Variants in LCLAT1 observed in about 807,000 individuals in gnomAD.
The protein encoded by LCLAT1 is lysocardiolipin acyltransferase 1.
In LCLAT1, 11 loss-of-function variants were observed where a neutral mutation model predicts 30.7. The ratio of observed to expected loss-of-function variants is 0.36; its 90% confidence interval spans 0.23 to 0.59. The LOEUF (loss-of-function observed/expected upper bound fraction) is 0.59, where lower values mean the gene tolerates loss of function less well. LCLAT1 is among the 20% of genes least tolerant of loss of function. The pLI, the probability that LCLAT1 is intolerant of heterozygous loss-of-function variation, is 0.77. For synonymous variants in LCLAT1, 155 were observed against 151.3 expected, an observed-to-expected ratio of 1.02 and a Z score of -0.18; for missense variants, 402 against 458.6, an observed-to-expected ratio of 0.88 and a Z score of 1.13.
chr2:30,557,282 T>TTG (rs1664965828), intron 3 of LCLAT1, among the ~76,000 whole-genome samples: 1 of 104,490 alleles, frequency 9.6e-6, no homozygotes, highest in Non-Finnish European at 1.8e-5. Context: ...GAAGGTATGA[T>TTG]CGTGTGTGTG....
intron 1 of LCLAT1, among the ~76,000 whole-genome samples, chr2:30,522,240 A>G (rs1685511730): frequency 6.6e-6 from 1 of 152,288 alleles, no homozygotes; most frequent in Non-Finnish European, 1.5e-5. Flanking sequence ...TTGTAAGTGT[A>G]TATTTAGGAT....
chr2:30,514,447 C>G (rs1270581031), intron 1 of LCLAT1, among the ~76,000 whole-genome samples: 2 of 152,176 alleles, frequency 1.3e-5, no homozygotes, highest in African/African-American at 4.8e-5. Flanking sequence ...TTGCAGTGTT[C>G]ACAATTCAGT....
intron 1 of LCLAT1, among the ~76,000 whole-genome samples, chr2:30,495,490 A>C (rs528567506): frequency 3.3e-5 from 5 of 152,314 alleles, no homozygotes; most frequent in African/African-American, 1.2e-4. Flanking sequence ...TGCAATATAA[A>C]GGAAAAATAA....
In LCLAT1 at chr2:30,453,699, G is replaced by A. The variant is rs115316486; in HGVS notation, c.-5+6316G>A. On this transcript the variant is annotated intron_variant, in intron 1 of 5. Transcript: ENST00000379509. ...ACAAATCAGTGCCTTCACTACAGAG[G>A]TCATTGAGATTTCATCATCTGTAGG... Among the ~76,000 whole-genome samples, 1,055 of 152,276 alleles carry A rather than the reference G, an allele frequency of 6.9e-3. 11 individuals are homozygous for A. The highest frequency in any genetic ancestry group is 0.024 in the African/African-American group (1,001 of 41,548).
At chr2:30,496,008 G>A in intron 1 of LCLAT1, among the ~76,000 whole-genome samples, 1 of 152,158 alleles carries the variant, frequency 6.6e-6, no homozygotes, top group African/African-American at 2.4e-5. Context: ...GCCACAGGCT[G>A]TACAGGAAGC....
chr2:30,511,898 T>A (rs72793880), intron 1 of LCLAT1, among the ~76,000 whole-genome samples: 1,612 of 152,314 alleles, frequency 0.011, 22 homozygotes, highest in Non-Finnish European at 0.013. Context: ...CAAACTGCCA[T>A]TCATCTCCAT....
At chr2:30,540,509 A>G (rs1226140210) in intron 3 of LCLAT1, among the ~76,000 whole-genome samples, 1 of 152,212 alleles carries the variant, frequency 6.6e-6, no homozygotes, top group Non-Finnish European at 1.5e-5. Context: ...ATTTCCATCC[A>G]TAGGAATTAA....
intron 5 of LCLAT1, among the ~76,000 whole-genome samples, chr2:30,604,998 C>G (rs1667367724): frequency 6.6e-6 from 1 of 152,204 alleles, no homozygotes; most frequent in Non-Finnish European, 1.5e-5. Context: ...GACCTCTGTG[C>G]TCCCTTTTAA....
rs368248626 is a variant in LCLAT1 at position 30,630,179 on chromosome 2, T to A, written c.629-9938T>A. 2.3e-4 allele frequency among the ~76,000 whole-genome samples: 35 copies of A among 152,318 alleles called. No individual in the cohort carries two copies. In the East Asian group the frequency reaches 6.2e-3, roughly 27 times the overall value. On this transcript the variant is annotated intron_variant, in intron 5 of 5. Coordinates refer to ENST00000379509, the MANE Select transcript of LCLAT1 (RefSeq NM_001002257.3). ...CGTGATATTCTTTGGACATGAACAT[T>A]CCTGGTGTCCCCTCCTCTTCTTATG...
intron 3 of LCLAT1, among the ~76,000 whole-genome samples, chr2:30,561,554 G>T (rs140554680): frequency 2.9e-4 from 44 of 152,220 alleles, no homozygotes; most frequent in African/African-American, 9.9e-4. Flanking sequence ...AGGGTGATTT[G>T]CCCTAGAGAA....
chr2:30,627,568 T>C (rs953884185), intron 5 of LCLAT1, among the ~76,000 whole-genome samples: 3 of 152,222 alleles, frequency 2.0e-5, no homozygotes, highest in African/African-American at 7.2e-5. Context: ...AAGTCACATT[T>C]ATCAATAGCT....
chr2:30,623,096 AG>A (rs1668344808), intron 5 of LCLAT1, among the ~76,000 whole-genome samples: 1 of 124,182 alleles, frequency 8.1e-6, no homozygotes, highest in Non-Finnish European at 1.6e-5. Flanking sequence ...CTCTGTCGCC[AG>A]GGCTAGAGTG....
chr2:30,502,415 A>C (rs1425682968), intron 1 of LCLAT1, among the ~76,000 whole-genome samples: 1 of 152,144 alleles, frequency 6.6e-6, no homozygotes, highest in Admixed American at 6.5e-5. Flanking sequence ...TAAACTGTAC[A>C]GGTCAATTGT....
chr2:30,538,226 T>G (rs563452008), intron 3 of LCLAT1, among the ~76,000 whole-genome samples: 38 of 152,198 alleles, frequency 2.5e-4, no homozygotes, highest in African/African-American at 8.7e-4. Context: ...TAAGAAAGAT[T>G]AGAGCAGAAC....
chr2:30,637,800 A>G (rs1180745023), intron 5 of LCLAT1, among the ~76,000 whole-genome samples: 1 of 151,996 alleles, frequency 6.6e-6, no homozygotes, highest in African/African-American at 2.4e-5. Flanking sequence ...CTGGTCTCGA[A>G]CTCCTGACCT....
At chr2:30,620,267 A>G (rs889821761) in intron 5 of LCLAT1, among the ~76,000 whole-genome samples, 2 of 152,122 alleles carry the variant, frequency 1.3e-5, no homozygotes, top group African/African-American at 4.8e-5. Context: ...TGTGATCATC[A>G]TCTCTTGGAG....
At chr2:30,500,631 GA>G (rs1189215932) in intron 1 of LCLAT1, among the ~76,000 whole-genome samples, 3 of 152,138 alleles carry the variant, frequency 2.0e-5, no homozygotes, top group African/African-American at 7.2e-5. Flanking sequence ...CTGAACCCTT[GA>G]ATACATTTCA....
chr2:30,537,055 G>A (rs531447216), intron 3 of LCLAT1, among the ~76,000 whole-genome samples: 120 of 152,314 alleles, frequency 7.9e-4, no homozygotes, highest in African/African-American at 2.8e-3. Flanking sequence ...AACCAAACAT[G>A]AGCAGGAGTA....
chr2:30,491,044 C>T (rs1210253722), intron 1 of LCLAT1, among the ~76,000 whole-genome samples: 1 of 152,074 alleles, frequency 6.6e-6, no homozygotes, highest in Non-Finnish European at 1.5e-5. Context: ...AACGTGGGTA[C>T]TAGAAGAATT....
Sources: gnomAD v4.1 joint callset for allele counts (sites outside exome capture counted in the v4.1 genomes callset) on GRCh38, gnomAD v4.1.1 for gene constraint, MANE v1.5 for transcripts, NCBI Gene and HGNC (gene_info 2026-07-23, HGNC 2026-07-21) for gene names.